The following UBE2D3 variants were observed in gnomAD, a reference collection of about 807,000 sequenced individuals.
UBE2D3 encodes ubiquitin conjugating enzyme E2 D3, also known as ubiquitin-conjugating enzyme E2 D3.
Under a neutral mutation model 22.8 loss-of-function variants are expected in UBE2D3, and 2 were observed. The observed-to-expected ratio is 0.09, with a 90% CI of 0.04 to 0.28. The LOEUF (loss-of-function observed/expected upper bound fraction) is 0.28, where lower values mean the gene tolerates loss of function less well. Ranked by LOEUF, UBE2D3 falls within the 10% of genes least tolerant of loss-of-function variation. UBE2D3 has a pLI of 1.00. For synonymous variants in UBE2D3, 56 were observed against 60.4 expected, an observed-to-expected ratio of 0.93 and a Z score of 0.34; for missense variants, 27 against 182.5, an observed-to-expected ratio of 0.15 and a Z score of 4.91.
At chr4:102,867,014 C>A (rs1356467778) in intron 1 of UBE2D3, among the ~76,000 whole-genome samples, 3 of 152,196 alleles carry the variant, frequency 2.0e-5, no homozygotes, top group Non-Finnish European at 4.4e-5. Context: ...AAGGAAATCC[C>A]ATCAACCTTT....
At chr4:102,827,683 C>CA (rs1222027880), upstream of UBE2D3, 6 of 985,700 alleles carry the variant, frequency 6.1e-6, no homozygotes, top group African/African-American at 1.8e-5. Context: ...TTCCCACGTC[C>CA]GGGGCCGAGT....
At chr4:102,861,773 TATATC>T (rs1732911393) in intron 1 of UBE2D3, among the ~76,000 whole-genome samples, 1 of 152,096 alleles carries the variant, frequency 6.6e-6, no homozygotes. Flanking sequence ...TACAATTATG[TATATC>T]ATATATGTGC....
chr4:102,807,330 A>G (rs1333410152), intron 4 of UBE2D3, among the ~76,000 whole-genome samples: 1 of 152,198 alleles, frequency 6.6e-6, no homozygotes, highest in African/African-American at 2.4e-5. Context: ...GAGTTGTTTC[A>G]TTGGTGCACT....
chr4:102,804,752 C>T (rs997418228), intron 4 of UBE2D3, among the ~76,000 whole-genome samples: 2 of 152,152 alleles, frequency 1.3e-5, no homozygotes, highest in Non-Finnish European at 2.9e-5. Flanking sequence ...TGGCTCACTG[C>T]AACCCTCTGC....
At chr4:102,809,406 T>C (rs375726849) in intron 4 of UBE2D3, 50 of 453,652 alleles carry the variant, frequency 1.1e-4, no homozygotes, top group Non-Finnish European at 1.8e-4. Context: ...CAGTGCTATG[T>C]AGAAAAACTG....
intron 2 of UBE2D3, chr4:102,810,445 G>A (rs891052525): frequency 8.1e-5 from 12 of 147,428 alleles, no homozygotes; most frequent in African/African-American, 3.0e-4. Flanking sequence ...GGAGTCTCCA[G>A]GCTGCAGTGC....
chr4:102,835,326 A>G (rs1731333679), intron 1 of UBE2D3, among the ~76,000 whole-genome samples: 1 of 152,222 alleles, frequency 6.6e-6, no homozygotes, highest in South Asian at 2.1e-4. Flanking sequence ...TAAGCAATCT[A>G]AGGAGGATGT....
chr4:102,850,815 G>C (rs931604001), intron 1 of UBE2D3, among the ~76,000 whole-genome samples: 15 of 152,214 alleles, frequency 9.9e-5, no homozygotes, highest in African/African-American at 3.6e-4. Flanking sequence ...ATTATTCTAA[G>C]TGAAGTAACT....
chr4:102,802,473 T>G (rs1726315139), intron 5 of UBE2D3, 88 bp downstream of exon 5: 5 of 1,135,482 alleles, frequency 4.4e-6, no homozygotes, highest in Non-Finnish European at 6.3e-6. Context: ...ATATACAGCC[T>G]ACACAGAACC....
intron 1 of UBE2D3, among the ~76,000 whole-genome samples, chr4:102,849,364 C>CAAAAAAAA (rs55874314): frequency 1.6e-5 from 1 of 63,260 alleles, no homozygotes; most frequent in African/African-American, 5.4e-5. Context: ...ACCCCTGTCT[C>CAAAAAAAA]AAAAAAAAAA....
intron 1 of UBE2D3, among the ~76,000 whole-genome samples, chr4:102,844,718 C>T (rs1406474641): frequency 6.6e-6 from 1 of 151,996 alleles, no homozygotes; most frequent in Non-Finnish European, 1.5e-5. Flanking sequence ...AGAGACAGTG[C>T]CTTAAGAATT....
intron 1 of UBE2D3, chr4:102,827,043 C>G: frequency 1.0e-6 from 1 of 992,768 alleles, no homozygotes; most frequent in African/African-American, 1.7e-5. Flanking sequence ...GGTTTCTGTC[C>G]AAAGGTGCGG....
rs912878007 is a variant in UBE2D3, at chr4:102,866,079, G to T, written c.-129+2636C>A. Among the ~76,000 whole-genome samples, 61 of 152,250 alleles carry T rather than the reference G, an allele frequency of 4.0e-4. 3 individuals are homozygous for T. Among genetic ancestry groups the T allele is most frequent in the Non-Finnish European group, 2.6e-4 (18 of 68,016 alleles). On this transcript the variant is annotated intron_variant, in intron 1 of 7. Transcript: ENST00000338145. Reference sequence around the variant, plus strand: ...GAAATACAAATATAAATGAAAACAGGATTTAAATTTTAAGTAAAGGGAATT... The same window carrying T: ...GAAATACAAATATAAATGAAAACAGTATTTAAATTTTAAGTAAAGGGAATT...
rs1727647509 is a variant in UBE2D3 at position 102,809,669 on chromosome 4, T to C, written c.120+3A>G. On this transcript the variant is annotated splice_donor_region_variant and intron_variant, in intron 4 of 7. Transcript: ENST00000453744. ...ACTAAATTTAAAAATTCTTAATACT[T>C]ACAGGTCCCATAATTGTGGCTTGCC... is the stretch of plus-strand genomic sequence containing the variant. 1.9e-6 allele frequency: 3 copies of C among 1,607,230 alleles called. No individual in the cohort carries two copies. Among genetic ancestry groups the C allele is most frequent in the Non-Finnish European group, 1.7e-6 (2 of 1,177,634 alleles).
intron 4 of UBE2D3, among the ~76,000 whole-genome samples, chr4:102,804,925 TC>T (rs1317003730): frequency 1.3e-5 from 2 of 152,178 alleles, no homozygotes; most frequent in Non-Finnish European, 2.9e-5. Context: ...GTTCCAGTGA[TC>T]CACCCACCTT....
chr4:102,868,109 G>T (rs965593114), intron 1 of UBE2D3, among the ~76,000 whole-genome samples: 9 of 121,598 alleles, frequency 7.4e-5, no homozygotes, highest in African/African-American at 3.0e-4. Context: ...GTCTTGCTCT[G>T]TCTCCCAGGC....
chr4:102,804,436 G>GT (rs1327910036), intron 4 of UBE2D3, among the ~76,000 whole-genome samples: 2 of 151,952 alleles, frequency 1.3e-5, no homozygotes, highest in Admixed American at 6.5e-5. Context: ...GGGATTACAG[G>GT]TATCAGCCAC....
At chr4:102,864,197 A>T (rs1733039778) in intron 1 of UBE2D3, among the ~76,000 whole-genome samples, 1 of 152,196 alleles carries the variant, frequency 6.6e-6, no homozygotes, top group Non-Finnish European at 1.5e-5. Flanking sequence ...ATCCTAGTAG[A>T]ATCAGAATTG....
At chr4:102,831,665 A>G (rs1304096756), upstream of UBE2D3, among the ~76,000 whole-genome samples, 1 of 152,226 alleles carries the variant, frequency 6.6e-6, no homozygotes, top group Admixed American at 6.5e-5. Context: ...AAAAGGCCAC[A>G]TACTGTTTGA....
Sources: gnomAD v4.1 joint callset for allele counts (sites outside exome capture counted in the v4.1 genomes callset) on GRCh38, gnomAD v4.1.1 for gene constraint, MANE v1.5 for transcripts, NCBI Gene and HGNC (gene_info 2026-07-23, HGNC 2026-07-21) for gene names.